Variants in ZNF532 observed in about 807,000 individuals in gnomAD.
ZNF532 encodes the protein zinc finger protein 532.
In ZNF532, 22 loss-of-function variants were observed where a neutral mutation model predicts 89.3. That is an observed-to-expected ratio of 0.25 (90% CI 0.18 to 0.35). The LOEUF (loss-of-function observed/expected upper bound fraction) is 0.35. Ranked by LOEUF, ZNF532 falls within the 10% of genes least tolerant of loss-of-function variation. The pLI is 1.00. For synonymous variants in ZNF532, 606 were observed against 649.6 expected (o/e 0.93, Z 1.02); for missense variants, 1,132 against 1,643.4 (o/e 0.69, Z 5.38).
At chr18:58,937,300 C>G (rs1363344084) in intron 4 of ZNF532, among the ~76,000 whole-genome samples, 1 of 152,172 alleles carries the variant, frequency 6.6e-6, no homozygotes, top group African/African-American at 2.4e-5. Flanking sequence ...GTCTTATTTA[C>G]ATCCCCCATT....
chr18:58,888,545 G>A (rs1438987785), intron 2 of ZNF532, among the ~76,000 whole-genome samples: 1 of 148,634 alleles, frequency 6.7e-6, no homozygotes, highest in Non-Finnish European at 1.5e-5. Flanking sequence ...GTGTGGTGAC[G>A]CACGCCTGTA....
Position 58,890,746 on chromosome 18 carries a change from T to G in ZNF532, c.-18+25167T>G, listed in dbSNP as rs112529465. 9.4e-3 allele frequency among the ~76,000 whole-genome samples: 1,437 copies of G among 152,098 alleles called. 23 individuals are homozygous for G. Among genetic ancestry groups the G allele is most frequent in the African/African-American group, 0.032 (1,336 of 41,488 alleles). On this transcript the variant is annotated intron_variant, in intron 2 of 9. Transcript: ENST00000591808. ...TTTTTCTCCATCCTGCCCTCTAGCT[T>G]CTTCTTCCTCCTCCCCCACTCCACC...
intron 2 of ZNF532, among the ~76,000 whole-genome samples, chr18:58,885,538 A>C (rs554832135): frequency 3.3e-5 from 5 of 152,258 alleles, no homozygotes; most frequent in African/African-American, 9.6e-5. Flanking sequence ...ATGAATTTTG[A>C]AAAAATTCTT....
intron 5 of ZNF532, among the ~76,000 whole-genome samples, chr18:58,941,984 C>CTCCTTCCCT (rs773792031): frequency 0.022 from 3,023 of 135,282 alleles, 64 homozygotes; most frequent in Non-Finnish European, 0.033. Flanking sequence ...CCCTCCTTCC[C>CTCCTTCCCT]TCCTTCCCTT....
At chr18:58,876,681 A>C (rs187513402) in intron 2 of ZNF532, among the ~76,000 whole-genome samples, 56 of 152,268 alleles carry the variant, frequency 3.7e-4, no homozygotes, top group Non-Finnish European at 4.4e-5. Flanking sequence ...AAAGAATTTT[A>C]ATATTGTGAT....
intron 7 of ZNF532, among the ~76,000 whole-genome samples, chr18:58,960,982 T>C (rs1411119882): frequency 1.3e-5 from 2 of 152,244 alleles, no homozygotes; most frequent in African/African-American, 2.4e-5. Flanking sequence ...CTGTCTTTAT[T>C]TGACTATCTT....
At chr18:58,921,382 C>T (rs2061070117) in intron 3 of ZNF532, among the ~76,000 whole-genome samples, 1 of 152,170 alleles carries the variant, frequency 6.6e-6, no homozygotes, top group Non-Finnish European at 1.5e-5. Context: ...GCTGGCAGCT[C>T]TACTGAGCTT....
In ZNF532 at chr18:58,983,206, G is replaced by A. The variant is rs77055914; in HGVS notation, c.3412-766G>A. 5.4e-3 allele frequency among the ~76,000 whole-genome samples: 823 copies of A among 152,288 alleles called. 6 individuals are homozygous for A. Among genetic ancestry groups the A allele is most frequent in the African/African-American group, 0.017 (707 of 41,554 alleles). Reference sequence around the variant, plus strand: ...GCAGAAAAGCTGGGGCACAGAGTGCGGAGAGGAGGGGCACGTTGGCTTGGG... The same window carrying A: ...GCAGAAAAGCTGGGGCACAGAGTGCAGAGAGGAGGGGCACGTTGGCTTGGG... On this transcript the variant is annotated intron_variant, in intron 9 of 9. Coordinates refer to ENST00000591808, the MANE Select transcript of ZNF532 (RefSeq NM_001375912.1).
At chr18:58,934,730 G>T in intron 4 of ZNF532, 116 bp downstream of exon 4, 1 of 991,408 alleles carries the variant, frequency 1.0e-6, no homozygotes, top group South Asian at 1.6e-5. Context: ...TCGATTAACA[G>T]ATCCTCTGGG....
At position 58,919,700 on chromosome 18, in the gene ZNF532, T is replaced by C. The variant is rs778549160; in HGVS notation, c.1413T>C (p.Ala471=). 2 of 1,613,688 alleles carry C rather than the reference T, an allele frequency of 1.2e-6. No homozygotes were observed. The highest frequency in any genetic ancestry group is 1.7e-5 in the Admixed American group (1 of 60,012). ...CCCAAGTCATTAATTTGAAGCTCGC[T>C]AACAACACCACGGTGAAAGCCACGG... The part of the protein sequence containing the change: ...AGSQVINLKL[A]NNTTVKATVI... Residue 471 remains alanine (A), a synonymous_variant, in exon 3 of 10, where the codon GCT becomes GCC. Transcript: ENST00000591808. This position sits in a 1 kb window ranked among gnomAD's most constrained non-coding sequence, Gnocchi z 6.1.
intron 6 of ZNF532, among the ~76,000 whole-genome samples, chr18:58,949,738 A>G (rs1409461854): frequency 6.6e-6 from 1 of 152,240 alleles, no homozygotes; most frequent in Non-Finnish European, 1.5e-5. Flanking sequence ...TCCCTGAATT[A>G]TTCTAGTCTC....
At chr18:58,938,902 A>G (rs1183059439) in intron 4 of ZNF532, among the ~76,000 whole-genome samples, 1 of 152,182 alleles carries the variant, frequency 6.6e-6, no homozygotes, top group African/African-American at 2.4e-5. Context: ...GATGCTCCAA[A>G]AATAGACCAT....
chr18:58,912,630 G>A (rs1290403379), intron 2 of ZNF532, among the ~76,000 whole-genome samples: 1 of 152,104 alleles, frequency 6.6e-6, no homozygotes, highest in Non-Finnish European at 1.5e-5. Flanking sequence ...TGGCTGTCTC[G>A]ACTTAATCAG....
At chr18:58,875,654 C>T (rs550957445) in intron 2 of ZNF532, among the ~76,000 whole-genome samples, 1 of 152,254 alleles carries the variant, frequency 6.6e-6, no homozygotes, top group East Asian at 1.9e-4. Context: ...GTGCTGGATG[C>T]CTTATACTTA....
chr18:58,896,111 C>T (rs777388795), intron 2 of ZNF532, among the ~76,000 whole-genome samples: 41 of 152,136 alleles, frequency 2.7e-4, no homozygotes, highest in Non-Finnish European at 1.8e-4. Context: ...CCTCAGCCTC[C>T]CAAAGTGTTG....
chr18:58,894,460 TC>T, intron 2 of ZNF532, among the ~76,000 whole-genome samples: 1 of 131,894 alleles, frequency 7.6e-6, no homozygotes, highest in South Asian at 2.5e-4. Context: ...ACAGCGAGAC[TC>T]CATCTCAAAA....
At chr18:58,876,317 G>T (rs73437990) in intron 2 of ZNF532, among the ~76,000 whole-genome samples, 1 of 152,030 alleles carries the variant, frequency 6.6e-6, no homozygotes, top group South Asian at 2.1e-4. Context: ...GTAGCCTCCT[G>T]GTGCCATTGA....
chr18:58,917,080 G>A (rs2060652275), intron 2 of ZNF532, among the ~76,000 whole-genome samples: 1 of 152,098 alleles, frequency 6.6e-6, no homozygotes, highest in Non-Finnish European at 1.5e-5. Context: ...CTTCCCTTCC[G>A]ACTGACTGCT....
chr18:58,914,843 T>A (rs1177980010), intron 2 of ZNF532, among the ~76,000 whole-genome samples: 1 of 152,228 alleles, frequency 6.6e-6, no homozygotes, highest in African/African-American at 2.4e-5. Context: ...TTCTATTTTA[T>A]CTTTTAAAAG....
Sources: gnomAD v4.1 joint callset for allele counts (sites outside exome capture counted in the v4.1 genomes callset) on GRCh38, gnomAD v4.1.1 for gene constraint, Gnocchi (gnomAD v3.1) non-coding constraint, MANE v1.5 for transcripts, NCBI Gene and HGNC (gene_info 2026-07-23, HGNC 2026-07-21) for gene names.